Variants in PAAF1 observed in about 807,000 individuals in gnomAD.
PAAF1 encodes the protein proteasomal ATPase associated factor 1, also known as proteasomal ATPase-associated factor 1.
A neutral mutation model predicts 52.8 loss-of-function variants in PAAF1; 46 were observed. The observed-to-expected ratio is 0.87, with a 90% CI of 0.69 to 1.11. The LOEUF is 1.11. Ranked by LOEUF, PAAF1 falls within the 50% of genes most tolerant of loss-of-function variation. The probability of loss-of-function intolerance (pLI) is 0.00; values close to 1 mark genes in which losing one functional copy is unlikely to be tolerated. For missense variants in PAAF1, 424 were observed against 477.4 expected (o/e 0.89, Z 1.04); for synonymous variants, 178 against 172.8 (o/e 1.03, Z -0.24).
intron 9 of PAAF1, among the ~76,000 whole-genome samples, chr11:73,918,130 T>C (rs943734117): frequency 6.6e-6 from 1 of 152,136 alleles, no homozygotes; most frequent in African/African-American, 2.4e-5. Context: ...GAATCCCATG[T>C]ATAGAATCCC....
At chr11:73,903,582 TG>T (rs1949682242) in intron 6 of PAAF1, among the ~76,000 whole-genome samples, 1 of 150,970 alleles carries the variant, frequency 6.6e-6, no homozygotes, top group African/African-American at 2.4e-5. Flanking sequence ...CTGGGTGTGG[TG>T]GCTGGAGCCT....
chr11:73,896,920 CG>C (rs1331965138), intron 4 of PAAF1, among the ~76,000 whole-genome samples: 25 of 148,712 alleles, frequency 1.7e-4, no homozygotes, highest in Middle Eastern at 3.5e-3. Flanking sequence ...GCTGGCCGGA[CG>C]GGGGGGCTGA....
chr11:73,900,754 G>A (rs560013598), intron 6 of PAAF1, among the ~76,000 whole-genome samples: 6 of 152,026 alleles, frequency 3.9e-5, no homozygotes, highest in East Asian at 1.9e-4. Flanking sequence ...AGGCCGAGGC[G>A]GGCGGATCAC....
At chr11:73,913,246 CACCATTCAGGTCTT>C (rs1427918316) in intron 7 of PAAF1, among the ~76,000 whole-genome samples, 207 of 152,268 alleles carry the variant, frequency 1.4e-3, no homozygotes, top group African/African-American at 4.8e-3. Flanking sequence ...GGTTTCTGTT[CACCATTCAGGTCTT>C]GCCATTCAGT....
In PAAF1 at chr11:73,902,008, C is replaced by T. The variant is rs183601291; in HGVS notation, c.532+1588C>T. On this transcript the variant is annotated intron_variant, in intron 6 of 11. Coordinates refer to ENST00000310571, the MANE Select transcript of PAAF1 (RefSeq NM_025155.3). ...CTTCTCAAGTAGCTGGGATCACAGG[C>T]GTGCACCACCACATCCAACTAATTT... Among the ~76,000 whole-genome samples, 230 of 151,728 alleles carry T rather than the reference C, an allele frequency of 1.5e-3. 1 individual carries two copies. Among genetic ancestry groups the T allele is most frequent in the African/African-American group, 4.6e-3 (189 of 41,328 alleles).
upstream of PAAF1, chr11:73,876,846 C>A (rs148117364): frequency 1.6e-6 from 1 of 625,546 alleles, no homozygotes; most frequent in Non-Finnish European, 2.5e-6. Context: ...TACATCCTTT[C>A]AGGAACCAGC....
chr11:73,884,461 C>T (rs979250443), intron 2 of PAAF1, among the ~76,000 whole-genome samples: 1 of 152,172 alleles, frequency 6.6e-6, no homozygotes, highest in African/African-American at 2.4e-5. Flanking sequence ...TACCACTGCA[C>T]TCCAGCCTGG....
At chr11:73,894,456 A>G (rs1949289516) in intron 4 of PAAF1, among the ~76,000 whole-genome samples, 1 of 152,182 alleles carries the variant, frequency 6.6e-6, no homozygotes, top group African/African-American at 2.4e-5. Context: ...CCTGGCCAAC[A>G]TAATGAAACC....
At chr11:73,885,138 C>T (rs1949025772) in intron 2 of PAAF1, among the ~76,000 whole-genome samples, 2 of 145,384 alleles carry the variant, frequency 1.4e-5, no homozygotes, top group South Asian at 2.2e-4. Flanking sequence ...GGATTACAGG[C>T]GTGATATTCT....
intron 10 of PAAF1, among the ~76,000 whole-genome samples, chr11:73,921,120 C>T (rs1194978670): frequency 1.3e-5 from 2 of 152,006 alleles, no homozygotes; most frequent in South Asian, 2.1e-4. Context: ...GCCAACATAG[C>T]GAAACGCCAT....
intron 2 of PAAF1, among the ~76,000 whole-genome samples, chr11:73,885,357 T>TG (rs1949032710): frequency 6.6e-6 from 1 of 151,406 alleles, no homozygotes; most frequent in Non-Finnish European, 1.5e-5. Context: ...TTGGCCAGGC[T>TG]GGTCTTGAAC....
chr11:73,909,596 A>G lies in PAAF1; in HGVS notation c.727+3A>G. 6.2e-7 allele frequency: 1 copy of G among 1,613,574 alleles called. No individual in the cohort carries two copies. The highest frequency in any genetic ancestry group is 8.5e-7 in the Non-Finnish European group (1 of 1,179,566). On this transcript the variant is annotated splice_donor_region_variant and intron_variant, in intron 7 of 11. Transcript: ENST00000310571. ...TGGCTCCCCTGAGCAGATGCCCAGTAAGTTGATAATGATATGTAGCATTGT... is the reference window on the plus strand; with the variant it reads ...TGGCTCCCCTGAGCAGATGCCCAGTGAGTTGATAATGATATGTAGCATTGT...
intron 2 of PAAF1, 191 bp from the exon 3 acceptor site, chr11:73,887,163 A>G: frequency 1.9e-6 from 1 of 519,400 alleles, no homozygotes; most frequent in Non-Finnish European, 3.5e-6. Flanking sequence ...TTATAGCAAC[A>G]CTAAACAGAC....
rs1433859884 is a variant in PAAF1 at position 73,902,032 on chromosome 11, T to C, written c.532+1612T>C. ...GCGTGCACCACCACATCCAACTAAT[T>C]TTTGTATTTTTTAGTAGAGATGGGG... On this transcript the variant is annotated intron_variant, in intron 6 of 11. Coordinates refer to ENST00000310571, the MANE Select transcript of PAAF1 (RefSeq NM_025155.3). Among the ~76,000 whole-genome samples, 5 of 151,872 alleles carry C rather than the reference T, an allele frequency of 3.3e-5. No homozygotes were observed. The South Asian group carries it at 6.2e-4, about 19-fold the overall frequency.
chr11:73,885,486 T>C (rs970111564), intron 2 of PAAF1, among the ~76,000 whole-genome samples: 4 of 151,970 alleles, frequency 2.6e-5, no homozygotes, highest in African/African-American at 9.7e-5. Flanking sequence ...CTTGGAGTTT[T>C]CTTTTCCCTA....
chr11:73,884,626 G>A (rs1028568429), intron 2 of PAAF1, among the ~76,000 whole-genome samples: 4 of 152,110 alleles, frequency 2.6e-5, no homozygotes, highest in African/African-American at 9.7e-5. Context: ...TCATGGAGTG[G>A]GATAAAAAGT....
In PAAF1 at chr11:73,886,672, C is replaced by CAAA. The variant is rs55697916; in HGVS notation, c.89-658_89-656dup. Among the ~76,000 whole-genome samples, 15 of 34,266 alleles carry CAAA rather than the reference C, an allele frequency of 4.4e-4. 1 individual carries two copies. The highest frequency in any genetic ancestry group is 1.0e-3 in the African/African-American group (11 of 10,484). The allele number at this position is 34,266 out of a possible 152,430, so 22.5% of individuals were successfully genotyped here. ...TGGGCGACAGAGCAAGACTCCATCT[C>CAAA]AAAAAAAAAAAAAAAAAAAAAAAAA... On this transcript the variant is annotated intron_variant, in intron 2 of 11. Transcript: ENST00000310571.
chr11:73,921,547 G>A (rs541408574), intron 10 of PAAF1: 11 of 540,876 alleles, frequency 2.0e-5, no homozygotes, highest in African/African-American at 1.7e-4. Flanking sequence ...GTAAAGACAT[G>A]GTCTTCTCTC....
intron 11 of PAAF1, 102 bp downstream of exon 11, chr11:73,924,799 A>G (rs991752491): frequency 1.1e-6 from 1 of 898,842 alleles, no homozygotes; most frequent in Admixed American, 2.2e-5. Context: ...GGGATGATAA[A>G]ATAGTGCTTA....
Sources: allele counts gnomAD v4.1 joint callset (sites outside exome capture counted in the v4.1 genomes callset), GRCh38; gene constraint gnomAD v4.1.1; transcripts MANE v1.5; gene names NCBI Gene and HGNC (gene_info 2026-07-23, HGNC 2026-07-21).